The following ATAT1 variants were observed in gnomAD, a reference collection of about 807,000 sequenced individuals.
ATAT1 encodes alpha tubulin acetyltransferase 1.
In ATAT1, 42 loss-of-function variants were observed where a neutral mutation model predicts 57.2. The observed-to-expected ratio is 0.73, with a 90% CI of 0.57 to 0.95. The LOEUF (loss-of-function observed/expected upper bound fraction) is 0.95, where lower values mean the gene tolerates loss of function less well. ATAT1 is among the 40% of genes least tolerant of loss of function. ATAT1 has a pLI of 0.00. For missense variants in ATAT1, 454 were observed against 523.7 expected (o/e 0.87, Z 1.30); for synonymous variants, 168 against 187.1 (o/e 0.90, Z 0.83).
rs563394783 is a variant in ATAT1 at position 30,646,729 on chromosome 6, A to ACATT, written c.*105_*108dup. On this transcript the variant is annotated 3_prime_UTR_variant, in exon 13 of 13. Transcript: ENST00000330083. The stretch of plus-strand genomic sequence containing the variant: ...AGCCCAACCCTCATAATAGATGGAT[A>ACATT]CATTCATTCATTCATTCATTCAGCA... The ACATT allele has an allele frequency of 2.0e-4, 274 of 1,398,376 alleles. No homozygotes were observed. The highest frequency in any genetic ancestry group is 1.4e-3 in the African/African-American group (96 of 68,602). The allele number at this position is 1,398,376 out of a possible 1,614,324, so 86.6% of individuals were successfully genotyped here. A position where few individuals can be genotyped will look rare whatever the true frequency, so the allele number is the denominator to read the frequency against.
Position 30,627,689 on chromosome 6 carries a change from C to G in ATAT1, c.186C>G (p.Arg62=). The G allele has an allele frequency of 6.2e-7, 1 of 1,613,030 alleles. No homozygotes were observed. The highest frequency in any genetic ancestry group is 8.5e-7 in the Non-Finnish European group (1 of 1,180,012). Residue 62 remains arginine, a synonymous_variant, in exon 3 of 13, where the codon CGC becomes CGG. Coordinates refer to ENST00000330083, the MANE Select transcript of ATAT1 (RefSeq NM_001031722.4). ...GTGCATCAAGGATGCAGAGTAACCGCCATGTTGTTTATATTCTCAAAGACA... is the reference window on the plus strand; with the variant it reads ...GTGCATCAAGGATGCAGAGTAACCGGCATGTTGTTTATATTCTCAAAGACA...
At chr6:30,634,166 A>G (rs1763500374) in intron 6 of ATAT1, among the ~76,000 whole-genome samples, 1 of 152,116 alleles carries the variant, frequency 6.6e-6, no homozygotes, top group Non-Finnish European at 1.5e-5. Flanking sequence ...AAAACTTCCA[A>G]GGTCTTGCTC....
chr6:30,642,875 G>C lies in ATAT1; in HGVS notation c.796G>C (p.Glu266Gln), dbSNP rs1346473062. The change falls in exon 10 of 13, where the codon GAA (glutamate) becomes CAA (glutamine). Residue 266 changes from glutamate to glutamine, a missense_variant. Transcript: ENST00000330083. Reference sequence around the variant, plus strand: ...CTCCAGCAGCCTGGGAAACTCACCAGAACGAGGTCCCCTCCGCCCCTTTGT... The same window carrying C: ...CTCCAGCAGCCTGGGAAACTCACCACAACGAGGTCCCCTCCGCCCCTTTGT... The C allele has an allele frequency of 7.9e-7, 1 of 1,269,670 alleles. No individual in the cohort carries two copies. The highest frequency in any genetic ancestry group is 2.4e-5 in the Admixed American group (1 of 41,834). The allele number at this position is 1,269,670 out of a possible 1,614,324, so 78.7% of individuals were successfully genotyped here.
chr6:30,642,833 G>GGGGGA lies in ATAT1; in HGVS notation c.754_755insGGGGA (p.Ala252GlyfsTer69). On this transcript the variant is annotated frameshift_variant, in exon 10 of 13. Transcript: ENST00000330083. LOFTEE classifies it high-confidence loss of function. ...GGCCCCTCGCCGCGCCACACCTCCA[G>GGGGGA]CCCACCCACCCCCCCGCTCCAGCAG... The GGGGGA allele has an allele frequency of 6.5e-7, 1 of 1,537,878 alleles. No individual in the cohort carries two copies. Among genetic ancestry groups the GGGGGA allele is most frequent in the Non-Finnish European group, 8.7e-7 (1 of 1,145,784 alleles).
At chr6:30,630,302 C>T (rs1304830139) in intron 6 of ATAT1, among the ~76,000 whole-genome samples, 1 of 151,850 alleles carries the variant, frequency 6.6e-6, no homozygotes, top group East Asian at 1.9e-4. Flanking sequence ...GCCTGGGCAA[C>T]AGAGAGAGAC....
chr6:30,638,849 G>C (rs952346639), intron 6 of ATAT1, among the ~76,000 whole-genome samples: 1 of 152,182 alleles, frequency 6.6e-6, no homozygotes, highest in African/African-American at 2.4e-5. Context: ...GATTGTGAAG[G>C]CCAAATTAAA....
chr6:30,639,767 G>A (rs537012405), intron 6 of ATAT1, among the ~76,000 whole-genome samples: 15 of 152,152 alleles, frequency 9.9e-5, no homozygotes, highest in East Asian at 5.8e-4. Context: ...GTGAGCCACC[G>A]CACCTGACCT....
intron 9 of ATAT1, 34 bp from the exon 10 acceptor site, chr6:30,642,728 CTTCTTT>C: frequency 2.3e-6 from 3 of 1,288,442 alleles, no homozygotes; most frequent in Non-Finnish European, 3.3e-6. Flanking sequence ...TTCCTTTTTT[CTTCTTT>C]TTCTGTCTTG....
At chr6:30,634,108 C>T (rs1311200768) in intron 6 of ATAT1, among the ~76,000 whole-genome samples, 1 of 152,124 alleles carries the variant, frequency 6.6e-6, no homozygotes, top group Admixed American at 6.6e-5. Context: ...CACTCACCAC[C>T]ACCCAACCCA....
In ATAT1 at chr6:30,626,999, G is replaced by A. The variant is rs751653497; in HGVS notation, c.-205G>A. ...GAACCACAACGCCGGCCCGGTGACA[G>A]CTCAAACCCACCCTCTGGCCCTTTT... On this transcript the variant is annotated 5_prime_UTR_variant, in exon 1 of 13. Transcript: ENST00000330083. 6.3e-7 allele frequency: 1 copy of A among 1,584,832 alleles called. No individual in the cohort carries two copies. Among genetic ancestry groups the A allele is most frequent in the South Asian group, 1.1e-5 (1 of 87,718 alleles).
intron 10 of ATAT1, chr6:30,643,659 A>C (rs931024150): frequency 1.9e-6 from 3 of 1,541,698 alleles, no homozygotes; most frequent in Non-Finnish European, 2.6e-6. Context: ...TGTAGGACCC[A>C]GTGGAACCTG....
In ATAT1 at chr6:30,627,255, G is replaced by A. The variant is rs752092562; in HGVS notation, c.52G>A (p.Gly18Arg). Residue 18 changes from glycine (G) to arginine (R), a missense_variant, in exon 1 of 13, where the codon GGA becomes AGA. Physicochemically the swap from Gly to Arg is moderately radical, Grantham distance 125. Transcript: ENST00000330083. The stretch of plus-strand genomic sequence containing the variant: ...CCTCACAATAACCTTAAGGGAGGAG[G>A]GAGTGTGCCACCTTGAAAGGTGTGA... The A allele has an allele frequency of 6.2e-7, 1 of 1,613,958 alleles. No homozygotes were observed. Among genetic ancestry groups the A allele is most frequent in the South Asian group, 1.1e-5 (1 of 91,070 alleles).
intron 6 of ATAT1, among the ~76,000 whole-genome samples, chr6:30,637,439 C>T (rs1764358869): frequency 2.0e-5 from 3 of 151,606 alleles, no homozygotes; most frequent in South Asian, 4.2e-4. Flanking sequence ...GGCACGATCA[C>T]GGCTCACTGC....
Position 30,646,693 on chromosome 6 carries a change from G to T in ATAT1, c.*50G>T. On this transcript the variant is annotated 3_prime_UTR_variant, in exon 13 of 13. Coordinates refer to ENST00000330083, the MANE Select transcript of ATAT1 (RefSeq NM_001031722.4). ...AAGTATTATTTCTCCCTCACTACAG[G>T]AAAGAGCCAAAGCCCAACCCTCATA... The T allele has an allele frequency of 6.8e-7, 1 of 1,480,676 alleles. No individual in the cohort carries two copies. Among genetic ancestry groups the T allele is most frequent in the Non-Finnish European group, 9.0e-7 (1 of 1,107,988 alleles). 91.7% of individuals were successfully genotyped at this position (1,480,676 alleles called of 1,614,324 possible). A position where few individuals can be genotyped will look rare whatever the true frequency, so the allele number is the denominator to read the frequency against.
chr6:30,627,226 G>C lies in ATAT1; in HGVS notation c.23G>C (p.Cys8Ser). 1 of 1,613,932 alleles carries C rather than the reference G, an allele frequency of 6.2e-7. No homozygotes were observed. Among genetic ancestry groups the C allele is most frequent in the East Asian group, 2.2e-5 (1 of 44,878 alleles). Residue 8 changes from cysteine to serine, a missense_variant, in exon 1 of 13, where the codon TGC (cysteine) becomes TCC (serine). Coordinates refer to ENST00000330083, the MANE Select transcript of ATAT1 (RefSeq NM_001031722.4). The stretch of plus-strand genomic sequence containing the variant: ...AGGATGTGGTTGACCTGGCCTTTCT[G>C]CTTCCTCACAATAACCTTAAGGGAG...
In ATAT1 at chr6:30,628,263, T is replaced by G. The variant is rs1447208895; in HGVS notation, c.400-66T>G. The G allele has an allele frequency of 4.5e-6, 7 of 1,561,752 alleles. No homozygotes were observed. In the African/African-American group the frequency reaches 5.4e-5, roughly 12 times the overall value. On this transcript the variant is annotated intron_variant, in intron 5 of 12. Transcript: ENST00000330083. ...ATGTCATTCTATTCCCTTCCCAGGC[T>G]TCTGGCTTCCTGTTGGCATGCTTTC...
At chr6:30,632,428 C>T (rs958996787) in intron 6 of ATAT1, among the ~76,000 whole-genome samples, 6 of 151,182 alleles carry the variant, frequency 4.0e-5, no homozygotes, top group Admixed American at 6.6e-5. Context: ...AAAAATTAGC[C>T]GGGTGTGGTG....
At chr6:30,646,206 A>C (rs1582893391) in intron 12 of ATAT1, 97 bp downstream of exon 12, 1 of 1,519,800 alleles carries the variant, frequency 6.6e-7, no homozygotes, top group Non-Finnish European at 8.8e-7. Context: ...ATCTTATTGT[A>C]TGAACTGGAC....
chr6:30,641,989 G>A (rs2127545072), intron 8 of ATAT1, 187 bp from the exon 9 acceptor site: 1 of 1,456,602 alleles, frequency 6.9e-7, no homozygotes, highest in East Asian at 2.5e-5. Flanking sequence ...TTCCTCAACA[G>A]TGTTCCACAT....
Sources: gnomAD v4.1 joint callset for allele counts (sites outside exome capture counted in the v4.1 genomes callset) on GRCh38, gnomAD v4.1.1 for gene constraint, MANE v1.5 for transcripts, NCBI Gene and HGNC (gene_info 2026-07-23, HGNC 2026-07-21) for gene names.